PDGFC: variants seen among roughly 807,000 people sequenced by gnomAD.
PDGFC encodes the protein platelet-derived growth factor C.
In PDGFC, 12 loss-of-function variants were observed where a neutral mutation model predicts 35.5. That is an observed-to-expected ratio of 0.34 (90% confidence interval 0.22 to 0.55). The LOEUF (loss-of-function observed/expected upper bound fraction) is 0.55. Among genes scored for constraint, PDGFC ranks in the 20% least tolerant of loss-of-function variants. PDGFC has a pLI of 0.91. For synonymous variants in PDGFC, 159 were observed against 148.8 expected, an observed-to-expected ratio of 1.07 and a Z score of -0.50; for missense variants, 322 against 412.4, an observed-to-expected ratio of 0.78 and a Z score of 1.90.
intron 1 of PDGFC, among the ~76,000 whole-genome samples, chr4:156,853,485 C>G (rs1000714463): frequency 3.3e-5 from 5 of 152,104 alleles, no homozygotes; most frequent in African/African-American, 1.2e-4. Flanking sequence ...AGTAAGCACC[C>G]TATACAGAAC....
At chr4:156,812,727 G>A (rs148863139) in intron 2 of PDGFC, among the ~76,000 whole-genome samples, 21 of 152,092 alleles carry the variant, frequency 1.4e-4, no homozygotes, top group South Asian at 2.1e-4. Context: ...TTCCTCACTG[G>A]TAAACTGGGA....
At chr4:156,806,033 A>G (rs937622532) in intron 3 of PDGFC, among the ~76,000 whole-genome samples, 8 of 152,132 alleles carry the variant, frequency 5.3e-5, no homozygotes, top group Admixed American at 3.9e-4. Flanking sequence ...TAATGTGGCT[A>G]TAATACTTAC....
At chr4:156,938,976 A>C (rs1731745332) in intron 1 of PDGFC, among the ~76,000 whole-genome samples, 1 of 151,992 alleles carries the variant, frequency 6.6e-6, no homozygotes. Flanking sequence ...AATCCCATCA[A>C]ATATCATAAT....
At chr4:156,949,160 C>G (rs1289455835) in intron 1 of PDGFC, among the ~76,000 whole-genome samples, 1 of 151,916 alleles carries the variant, frequency 6.6e-6, no homozygotes, top group Non-Finnish European at 1.5e-5. Context: ...CACCAACGGT[C>G]TCCTACTATT....
chr4:156,934,048 C>T lies in PDGFC; in HGVS notation c.118+36738G>A, dbSNP rs576528419. Among the ~76,000 whole-genome samples, 3 of 152,294 alleles carry T rather than the reference C, an allele frequency of 2.0e-5. No homozygotes were observed. In the East Asian group the frequency reaches 5.8e-4, roughly 29 times the overall value. Reference sequence around the variant, plus strand: ...AGAGAAAATATGTGTGTTAGATAAGCTTCCTTCAGGCATGAATTATAGTGC... The same window carrying T: ...AGAGAAAATATGTGTGTTAGATAAGTTTCCTTCAGGCATGAATTATAGTGC... On this transcript the variant is annotated intron_variant, in intron 1 of 5. Transcript: ENST00000502773.
At chr4:156,905,894 C>T (rs544272517) in intron 1 of PDGFC, among the ~76,000 whole-genome samples, 5 of 152,104 alleles carry the variant, frequency 3.3e-5, no homozygotes, top group African/African-American at 9.6e-5. Flanking sequence ...ATTTAATATA[C>T]TGTAGATACA....
chr4:156,935,890 C>T (rs146246973), intron 1 of PDGFC, among the ~76,000 whole-genome samples: 8 of 152,136 alleles, frequency 5.3e-5, no homozygotes, highest in Middle Eastern at 3.4e-3. Flanking sequence ...AAGGTCCCTG[C>T]CCTCAAGGAA....
intron 1 of PDGFC, among the ~76,000 whole-genome samples, chr4:156,859,005 T>G (rs890972724): frequency 6.6e-6 from 1 of 152,036 alleles, no homozygotes; most frequent in Admixed American, 6.6e-5. Flanking sequence ...GACAGGAAGA[T>G]GTTTAAAATT....
At position 156,865,844 on chromosome 4, in the gene PDGFC, G is replaced by A. The variant is rs532436456; in HGVS notation, c.119-15428C>T. Reference sequence around the variant, plus strand: ...GCAGTGGTTTTCTTGAGCGATGTAGGTGGGTCAGGTAGCATAAAATAGATT... The same window carrying A: ...GCAGTGGTTTTCTTGAGCGATGTAGATGGGTCAGGTAGCATAAAATAGATT... On this transcript the variant is annotated intron_variant, in intron 1 of 5. Coordinates refer to ENST00000502773, the MANE Select transcript of PDGFC (RefSeq NM_016205.3). 2.6e-5 allele frequency among the ~76,000 whole-genome samples: 4 copies of A among 152,258 alleles called. No individual in the cohort carries two copies. In the East Asian group the frequency reaches 7.7e-4, roughly 29 times the overall value.
chr4:156,815,999 G>A (rs7680603), intron 2 of PDGFC, among the ~76,000 whole-genome samples: 3,122 of 152,170 alleles, frequency 0.021, 118 homozygotes, highest in African/African-American at 0.071. Context: ...CAAAATTTTC[G>A]TTCTCATGTG....
In PDGFC at chr4:156,835,143, C is replaced by T. The variant is rs138617649; in HGVS notation, c.314+15078G>A. Among the ~76,000 whole-genome samples, 710 of 152,122 alleles carry T rather than the reference C, an allele frequency of 4.7e-3. 3 individuals carry two copies. The highest frequency in any genetic ancestry group is 0.016 in the African/African-American group (682 of 41,504). ...AAAATTGATTTTCTTAAACTGATTACAAATAGAGTTTATCAGCAGTTTAAG... is the reference window on the plus strand; with the variant it reads ...AAAATTGATTTTCTTAAACTGATTATAAATAGAGTTTATCAGCAGTTTAAG... On this transcript the variant is annotated intron_variant, in intron 2 of 5. Coordinates refer to ENST00000502773, the MANE Select transcript of PDGFC (RefSeq NM_016205.3).
At chr4:156,923,141 C>A (rs760464927) in intron 1 of PDGFC, among the ~76,000 whole-genome samples, 2 of 152,120 alleles carry the variant, frequency 1.3e-5, no homozygotes, top group African/African-American at 4.8e-5. Flanking sequence ...AGCTGTGCTG[C>A]GGAATCAGTC....
chr4:156,842,512 C>T (rs1425000238), intron 2 of PDGFC, among the ~76,000 whole-genome samples: 2 of 152,094 alleles, frequency 1.3e-5, no homozygotes, highest in African/African-American at 4.8e-5. Context: ...CCTCCTTCAA[C>T]ATACTCTGCA....
chr4:156,949,282 G>A (rs1487952087), intron 1 of PDGFC, among the ~76,000 whole-genome samples: 1 of 151,810 alleles, frequency 6.6e-6, no homozygotes, highest in Non-Finnish European at 1.5e-5. Context: ...AAGTTGAAAA[G>A]TATTTATTAC....
In PDGFC at chr4:156,945,342, C is replaced by CAT. The variant is rs201167463; in HGVS notation, c.118+25442_118+25443dup. On this transcript the variant is annotated intron_variant, in intron 1 of 5. Coordinates refer to ENST00000502773, the MANE Select transcript of PDGFC (RefSeq NM_016205.3). ...ATATGTGTATATATACATATACATA[C>CAT]ATATATATATATATATATATATATA... 5.0e-3 allele frequency among the ~76,000 whole-genome samples: 408 copies of CAT among 80,890 alleles called. 2 individuals are homozygous for CAT. The highest frequency in any genetic ancestry group is 7.7e-3 in the Non-Finnish European group (292 of 38,134). The allele number at this position is 80,890 out of a possible 152,430, so 53.1% of individuals were successfully genotyped here.
Position 156,929,655 on chromosome 4 carries a change from C to T in PDGFC, c.118+41131G>A, listed in dbSNP as rs78551515. Among the ~76,000 whole-genome samples, 41 of 152,278 alleles carry T rather than the reference C, an allele frequency of 2.7e-4. No individual in the cohort carries two copies. In the East Asian group the frequency reaches 7.5e-3, roughly 28 times the overall value. On this transcript the variant is annotated intron_variant, in intron 1 of 5. Transcript: ENST00000502773. Reference sequence around the variant, plus strand: ...TCTTCTTCCTTCAGTGAATGATTTACTGTTCAGTAAGGGTTAACTCAGGTC... The same window carrying T: ...TCTTCTTCCTTCAGTGAATGATTTATTGTTCAGTAAGGGTTAACTCAGGTC...
At chr4:156,774,748 T>A (rs1420399933) in intron 3 of PDGFC, among the ~76,000 whole-genome samples, 1 of 151,010 alleles carries the variant, frequency 6.6e-6, no homozygotes, top group African/African-American at 2.4e-5. Flanking sequence ...GGAATGACAA[T>A]GTCTGGCCTC....
At chr4:156,893,870 G>A (rs966751896) in intron 1 of PDGFC, among the ~76,000 whole-genome samples, 1 of 152,086 alleles carries the variant, frequency 6.6e-6, no homozygotes, top group Non-Finnish European at 1.5e-5. Flanking sequence ...ATATGTTAAA[G>A]TCATCCACAA....
chr4:156,806,371 GTAAA>G (rs1731772103), intron 3 of PDGFC, among the ~76,000 whole-genome samples: 1 of 151,946 alleles, frequency 6.6e-6, no homozygotes, highest in Admixed American at 6.6e-5. Context: ...ATGGAAAAAA[GTAAA>G]TAAATTATTG....
Sources: allele counts gnomAD v4.1 joint callset (sites outside exome capture counted in the v4.1 genomes callset), GRCh38; gene constraint gnomAD v4.1.1; transcripts MANE v1.5; gene names NCBI Gene and HGNC (gene_info 2026-07-23, HGNC 2026-07-21).